The following BYSL variants were observed in gnomAD, a reference collection of about 807,000 sequenced individuals.
BYSL encodes the protein bystin.
Under a neutral mutation model 45.4 loss-of-function variants are expected in BYSL, and 21 were observed. The ratio of observed to expected loss-of-function variants is 0.46; its 90% CI spans 0.33 to 0.67. The LOEUF (loss-of-function observed/expected upper bound fraction) is 0.67. BYSL is among the 30% of genes least tolerant of loss of function. The probability of loss-of-function intolerance (pLI) is 0.02; values close to 1 mark genes in which losing one functional copy is unlikely to be tolerated. For missense variants in BYSL, 522 were observed against 578.5 expected (o/e 0.90, Z 1.00); for synonymous variants, 215 against 231.3 (o/e 0.93, Z 0.64).
intron 2 of BYSL, chr6:41,927,740 G>A: frequency 1.7e-6 from 1 of 572,430 alleles, no homozygotes; most frequent in Non-Finnish European, 3.0e-6. Context: ...GTGTCCTTAT[G>A]TCCATTTGTT....
chr6:41,925,752 C>T (rs1324084601), intron 1 of BYSL, among the ~76,000 whole-genome samples: 1 of 151,818 alleles, frequency 6.6e-6, no homozygotes, highest in Non-Finnish European at 1.5e-5. Context: ...GCGATCTCGG[C>T]TCACCTCACC....
the BYSL span, chr6:41,912,867 G>C: frequency 6.6e-6 from 1 of 152,210 alleles, no homozygotes; most frequent in South Asian, 2.1e-4. Flanking sequence ...AACACTTCAG[G>C]AGGCCAAGGC....
In BYSL at chr6:41,927,436, G is replaced by A; in HGVS notation, c.331G>A (p.Ala111Thr). The stretch of plus-strand genomic sequence containing the variant: ...CGAGGAGTGGCCCACCCTGGAGAAG[G>A]CTGCCACAATGACAGCAGCGGGCCA... ...EDEEWPTLEKAATMTAAGHHA... is the reference protein window; with the variant it reads ...EDEEWPTLEKTATMTAAGHHA... The change falls in exon 2 of 7, where the codon GCT becomes ACT. Residue 111 changes from alanine to threonine, a missense_variant. Coordinates refer to ENST00000230340, the MANE Select transcript of BYSL (RefSeq NM_004053.4). 1 of 1,614,144 alleles carries A rather than the reference G, an allele frequency of 6.2e-7. No individual in the cohort carries two copies. Among genetic ancestry groups the A allele is most frequent in the East Asian group, 2.2e-5 (1 of 44,884 alleles).
chr6:41,924,895 A>G (rs1405693867), intron 1 of BYSL, among the ~76,000 whole-genome samples: 2 of 152,164 alleles, frequency 1.3e-5, no homozygotes, highest in Non-Finnish European at 2.9e-5. Context: ...GAGACAGTCT[A>G]TGAGGTAAAA....
At chr6:41,921,113 C>T, upstream of BYSL, 3 of 1,530,338 alleles carry the variant, frequency 2.0e-6, no homozygotes, top group Non-Finnish European at 2.7e-6. Context: ...ACACAACCTT[C>T]TGTCTCAGAA....
chr6:41,923,976 G>A (rs1775528297), intron 1 of BYSL, among the ~76,000 whole-genome samples: 1 of 151,986 alleles, frequency 6.6e-6, no homozygotes, highest in Admixed American at 6.6e-5. Flanking sequence ...TTCTCAGAGA[G>A]GCCTATCCAC....
the BYSL span, chr6:41,913,107 CAAAAAAA>C: frequency 1.2e-5 from 1 of 82,420 alleles, no homozygotes; most frequent in Non-Finnish European, 2.5e-5. Flanking sequence ...GACCCTGTCT[CAAAAAAA>C]AAAAAAAAAA....
chr6:41,911,196 G>A, the BYSL span, among the ~76,000 whole-genome samples: 1 of 150,940 alleles, frequency 6.6e-6, no homozygotes, highest in Non-Finnish European at 1.5e-5. Context: ...TGTCGCCCAG[G>A]CTGTAGTGCA....
intron 1 of BYSL, among the ~76,000 whole-genome samples, chr6:41,925,706 G>A (rs564298428): frequency 1.4e-5 from 2 of 146,340 alleles, no homozygotes; most frequent in Non-Finnish European, 3.0e-5. Context: ...TTGAGACAGA[G>A]TTTTGCTGTT....
At chr6:41,915,159 C>G in the BYSL span, among the ~76,000 whole-genome samples, 3 of 152,158 alleles carry the variant, frequency 2.0e-5, no homozygotes, top group African/African-American at 7.2e-5. Flanking sequence ...AAGGGCCAGG[C>G]ATGGTGGCTC....
upstream of BYSL, chr6:41,921,133 G>A (rs900437294): frequency 1.1e-5 from 16 of 1,398,142 alleles, no homozygotes; most frequent in Admixed American, 3.0e-4. Context: ...AGGGACTCCG[G>A]AAATACGTAA....
the BYSL span, among the ~76,000 whole-genome samples, chr6:41,910,188 G>A: frequency 6.6e-6 from 1 of 152,200 alleles, no homozygotes; most frequent in African/African-American, 2.4e-5. Context: ...GCACACTACA[G>A]CAGAGAGACC....
chr6:41,921,671 C>T lies in BYSL; in HGVS notation c.109C>T (p.Arg37Trp), dbSNP rs3763273. ...NAVRAGVREK[R>W]RGRGTGEAEE... is the part of the protein sequence containing the mutation. ...GGTGCGGGCGGGGGTCCGGGAGAAGCGGCGGGGTCGCGGGACAGGAGAAGC... is the reference window on the plus strand; with the variant it reads ...GGTGCGGGCGGGGGTCCGGGAGAAGTGGCGGGGTCGCGGGACAGGAGAAGC... The change falls in exon 1 of 7, where the codon CGG becomes TGG. Residue 37 changes from arginine (R) to tryptophan (W), a missense_variant. By Grantham distance (101) the Arg-to-Trp change is moderately radical (BLOSUM62 -3). Coordinates refer to ENST00000230340, the MANE Select transcript of BYSL (RefSeq NM_004053.4). 6.0e-4 allele frequency: 966 copies of T among 1,612,906 alleles called. 20 individuals are homozygous for T. In the South Asian group the frequency reaches 0.01, roughly 17 times the overall value.
chr6:41,909,228 C>G, the BYSL span: 1 of 1,589,794 alleles, frequency 6.3e-7, no homozygotes, highest in Non-Finnish European at 8.6e-7. Flanking sequence ...GCTAAGCAGC[C>G]CCCTCAGAAC....
chr6:41,924,097 C>T (rs1030276308), intron 1 of BYSL, among the ~76,000 whole-genome samples: 10 of 151,116 alleles, frequency 6.6e-5, no homozygotes, highest in Admixed American at 5.3e-4. Flanking sequence ...AGTCTCGCTC[C>T]GTCACCCAGG....
the BYSL span, among the ~76,000 whole-genome samples, chr6:41,912,199 C>CTTTTTTTTT: frequency 1.7e-5 from 2 of 119,294 alleles, no homozygotes; most frequent in East Asian, 2.3e-4. Flanking sequence ...CCATGCCCAC[C>CTTTTTTTTT]TTTTTTTTTT....
the BYSL span, among the ~76,000 whole-genome samples, chr6:41,912,349 G>A: frequency 1.4e-3 from 177 of 124,700 alleles, 2 homozygotes; most frequent in African/African-American, 4.1e-3. Context: ...GCTGACCATA[G>A]TACTTTTTTT....
the BYSL span, among the ~76,000 whole-genome samples, chr6:41,915,025 C>G: frequency 6.6e-6 from 1 of 152,228 alleles, no homozygotes; most frequent in South Asian, 2.1e-4. Flanking sequence ...AATCAGTAAA[C>G]AGGGCCAGGA....
upstream of BYSL, among the ~76,000 whole-genome samples, chr6:41,918,962 A>AAG (rs1775388566): frequency 6.8e-6 from 1 of 146,098 alleles, no homozygotes; most frequent in African/African-American, 2.5e-5. Context: ...TCAAAAAAAA[A>AAG]AAAAAAATAC....
Sources: gnomAD v4.1 joint callset for allele counts (sites outside exome capture counted in the v4.1 genomes callset) on GRCh38, gnomAD v4.1.1 for gene constraint, MANE v1.5 for transcripts, NCBI Gene and HGNC (gene_info 2026-07-23, HGNC 2026-07-21) for gene names.